CAMTA1: variants seen among roughly 807,000 people sequenced by gnomAD.
CAMTA1 encodes calmodulin binding transcription activator 1.
In CAMTA1, 27 loss-of-function variants were observed where a neutral mutation model predicts 170.9. The observed-to-expected ratio is 0.16, with a 90% CI of 0.12 to 0.22. The LOEUF is 0.22. CAMTA1 is among the 10% of genes least tolerant of loss of function. The probability of loss-of-function intolerance (pLI) is 1.00; values close to 1 mark genes in which losing one functional copy is unlikely to be tolerated. For missense variants in CAMTA1, 1,619 were observed against 2,217.2 expected (o/e 0.73, Z 5.42); for synonymous variants, 833 against 891.5 (o/e 0.93, Z 1.17).
chr1:6,917,786 G>T (rs1290680196), intron 3 of CAMTA1, among the ~76,000 whole-genome samples: 2 of 151,116 alleles, frequency 1.3e-5, no homozygotes, highest in Non-Finnish European at 3.0e-5. Context: ...AGAGTGGGGT[G>T]GGGGAGGGGG....
At chr1:7,354,898 C>A (rs1211213087) in intron 5 of CAMTA1, among the ~76,000 whole-genome samples, 2 of 152,006 alleles carry the variant, frequency 1.3e-5, no homozygotes, top group Admixed American at 1.3e-4. Flanking sequence ...CGGATGTATG[C>A]CTTCCAAATT....
chr1:6,828,152 A>G (rs187364653), intron 3 of CAMTA1, among the ~76,000 whole-genome samples: 1 of 152,148 alleles, frequency 6.6e-6, no homozygotes, highest in Non-Finnish European at 1.5e-5. Context: ...GTACAGTTGA[A>G]TTTCTGGGTA....
intron 3 of CAMTA1, among the ~76,000 whole-genome samples, chr1:7,090,550 G>A (rs912523599): frequency 6.6e-6 from 1 of 152,146 alleles, no homozygotes; most frequent in Non-Finnish European, 1.5e-5. Flanking sequence ...ATCATGCCTC[G>A]AGCTGGAGCA....
chr1:6,928,436 A>C (rs890198259), intron 3 of CAMTA1, among the ~76,000 whole-genome samples: 5 of 152,190 alleles, frequency 3.3e-5, no homozygotes, highest in African/African-American at 9.7e-5. Flanking sequence ...TCTTAGGGAC[A>C]GGTCGACTGT....
intron 5 of CAMTA1, among the ~76,000 whole-genome samples, chr1:7,323,356 A>G (rs896877843): frequency 4.6e-5 from 7 of 152,020 alleles, no homozygotes; most frequent in Admixed American, 1.3e-4. Flanking sequence ...CCAGATATCC[A>G]TGTGGCTTGC....
chr1:6,893,700 G>A (rs1675043374), intron 3 of CAMTA1, among the ~76,000 whole-genome samples: 1 of 152,148 alleles, frequency 6.6e-6, no homozygotes, highest in African/African-American at 2.4e-5. Context: ...GTTGGCTGGT[G>A]GGTTTAGCTG....
chr1:7,233,408 C>T (rs1313869879), intron 4 of CAMTA1, among the ~76,000 whole-genome samples: 1 of 152,174 alleles, frequency 6.6e-6, no homozygotes, highest in Non-Finnish European at 1.5e-5. Flanking sequence ...GCAGGAATGG[C>T]TGGTCCTCTT....
intron 11 of CAMTA1, among the ~76,000 whole-genome samples, chr1:7,679,083 C>T (rs74054220): frequency 5.8e-4 from 89 of 152,366 alleles, no homozygotes; most frequent in African/African-American, 2.0e-3. Flanking sequence ...CCGAGCTGCC[C>T]TTGGCAGCAT....
At chr1:7,711,826 A>C (rs2096573027) in intron 11 of CAMTA1, among the ~76,000 whole-genome samples, 1 of 152,222 alleles carries the variant, frequency 6.6e-6, no homozygotes, top group African/African-American at 2.4e-5. Flanking sequence ...GGAAGTACTT[A>C]GCCTAAAACT....
chr1:7,054,675 C>T (rs1306439659), intron 3 of CAMTA1, among the ~76,000 whole-genome samples: 2 of 152,146 alleles, frequency 1.3e-5, no homozygotes, highest in South Asian at 2.1e-4. Context: ...ACCTTGGAGT[C>T]GGGCTGTGCC....
chr1:7,178,780 C>G (rs1243639025), intron 4 of CAMTA1, among the ~76,000 whole-genome samples: 2 of 152,188 alleles, frequency 1.3e-5, no homozygotes, highest in Non-Finnish European at 2.9e-5. Context: ...CCTCAGCCTC[C>G]TTTATAAAAA....
At chr1:7,141,929 A>G (rs1001246766) in intron 4 of CAMTA1, among the ~76,000 whole-genome samples, 9 of 152,296 alleles carry the variant, frequency 5.9e-5, no homozygotes, top group African/African-American at 1.9e-4. Context: ...GGCTTGTGGT[A>G]GAGAAGGGCC....
intron 6 of CAMTA1, among the ~76,000 whole-genome samples, chr1:7,628,532 T>C (rs1298600205): frequency 6.6e-6 from 1 of 152,234 alleles, no homozygotes; most frequent in Non-Finnish European, 1.5e-5. Context: ...GTAGCACCTC[T>C]CAGTCCAGCA....
At chr1:7,025,955 A>C (rs567123584) in intron 3 of CAMTA1, among the ~76,000 whole-genome samples, 1 of 152,252 alleles carries the variant, frequency 6.6e-6, no homozygotes, top group Non-Finnish European at 1.5e-5. Context: ...CCCTGTCTCT[A>C]CAGAAAATAC....
chr1:7,206,475 T>C (rs901672544), intron 4 of CAMTA1, among the ~76,000 whole-genome samples: 3 of 152,254 alleles, frequency 2.0e-5, no homozygotes, highest in Non-Finnish European at 2.9e-5. Flanking sequence ...GCCAGTTTTA[T>C]ATTCTGCTAG....
chr1:7,764,181 A>G (rs1198060810), intron 22 of CAMTA1, among the ~76,000 whole-genome samples: 1 of 152,196 alleles, frequency 6.6e-6, no homozygotes, highest in Non-Finnish European at 1.5e-5. Flanking sequence ...ATACTGTAAT[A>G]TGACCCAAAT....
chr1:7,271,712 A>G (rs1669841370), intron 5 of CAMTA1, among the ~76,000 whole-genome samples: 1 of 152,168 alleles, frequency 6.6e-6, no homozygotes, highest in Non-Finnish European at 1.5e-5. Context: ...AAAGAGATCA[A>G]TAGATAGACA....
At chr1:6,997,683 A>T (rs1252061048) in intron 3 of CAMTA1, among the ~76,000 whole-genome samples, 1 of 108,894 alleles carries the variant, frequency 9.2e-6, no homozygotes. Flanking sequence ...TTTTTGAGAC[A>T]GAGTTTCGCT....
At chr1:6,802,861 A>G (rs1233358763) in intron 1 of CAMTA1, among the ~76,000 whole-genome samples, 2 of 152,060 alleles carry the variant, frequency 1.3e-5, no homozygotes, top group Non-Finnish European at 1.5e-5. Context: ...CAGCCCCCCA[A>G]GCTGAGGACT....
Sources: gnomAD v4.1 joint callset for allele counts (sites outside exome capture counted in the v4.1 genomes callset) on GRCh38, gnomAD v4.1.1 for gene constraint, MANE v1.5 for transcripts, NCBI Gene and HGNC (gene_info 2026-07-23, HGNC 2026-07-21) for gene names.